Variants in TAFA4 observed in about 807,000 individuals in gnomAD.
TAFA4 encodes the protein TAFA chemokine like family member 4.
A neutral mutation model predicts 21.1 loss-of-function variants in TAFA4; 20 were observed. The ratio of observed to expected loss-of-function variants is 0.95; its 90% CI spans 0.67 to 1.38. TAFA4 has a LOEUF of 1.38. Ranked by LOEUF, TAFA4 falls within the 40% of genes most tolerant of loss-of-function variation. The pLI is 0.00. For synonymous variants in TAFA4, 71 were observed against 67.4 expected (o/e 1.05, Z -0.26); for missense variants, 211 against 180.9 (o/e 1.17, Z -0.95).
chr3:68,885,699 A>G (rs115005402), intron 1 of TAFA4, among the ~76,000 whole-genome samples: 2,950 of 152,310 alleles, frequency 0.019, 91 homozygotes, highest in African/African-American at 0.068. Context: ...GCCCAAGCCC[A>G]TGGAGCAGTG....
intron 3 of TAFA4, among the ~76,000 whole-genome samples, chr3:68,762,397 A>C (rs998436466): frequency 2.6e-5 from 4 of 152,176 alleles, no homozygotes; most frequent in African/African-American, 9.7e-5. Flanking sequence ...AAGATGTGGG[A>C]AATTACAACA....
At chr3:68,807,263 A>G (rs895398685) in intron 3 of TAFA4, among the ~76,000 whole-genome samples, 6 of 152,224 alleles carry the variant, frequency 3.9e-5, no homozygotes, top group African/African-American at 1.4e-4. Flanking sequence ...AACAAAGATT[A>G]TCAAAAGACA....
In TAFA4 at chr3:68,795,188, A is replaced by G. The variant is rs1446183808; in HGVS notation, c.131-42170T>C. ...TCAGCAGGAAAGACTCAAAGAGGTG[A>G]AGATCTTAGCTAGGTCTTAAAGAGA... On this transcript the variant is annotated intron_variant, in intron 3 of 5. Transcript: ENST00000295569. 3.3e-5 allele frequency among the ~76,000 whole-genome samples: 5 copies of G among 151,642 alleles called. No homozygotes were observed. The Admixed American group carries it at 3.3e-4, about 10-fold the overall frequency.
intron 3 of TAFA4, among the ~76,000 whole-genome samples, chr3:68,853,087 G>C (rs1704987937): frequency 6.6e-6 from 1 of 152,042 alleles, no homozygotes; most frequent in Non-Finnish European, 1.5e-5. Context: ...TCATTTGCAA[G>C]AACAGAGTAA....
At chr3:68,857,167 G>A (rs1705089260) in intron 3 of TAFA4, among the ~76,000 whole-genome samples, 1 of 152,090 alleles carries the variant, frequency 6.6e-6, no homozygotes, top group Non-Finnish European at 1.5e-5. Context: ...TTTCAAAACA[G>A]CATTTAACGA....
intron 3 of TAFA4, among the ~76,000 whole-genome samples, chr3:68,819,743 C>T (rs1189983877): frequency 6.6e-6 from 1 of 152,162 alleles, no homozygotes; most frequent in East Asian, 1.9e-4. Context: ...TAAGATATCC[C>T]TTCACACCAG....
intron 1 of TAFA4, among the ~76,000 whole-genome samples, chr3:68,900,566 A>T (rs1160689671): frequency 1.3e-5 from 2 of 151,966 alleles, no homozygotes; most frequent in African/African-American, 4.8e-5. Flanking sequence ...CTAAAATCCC[A>T]AATTTTAGTC....
At chr3:68,862,651 T>G (rs191567805) in intron 3 of TAFA4, among the ~76,000 whole-genome samples, 1 of 152,098 alleles carries the variant, frequency 6.6e-6, no homozygotes, top group Admixed American at 6.6e-5. Context: ...TTCTGAGCTA[T>G]CAACAGCATG....
chr3:68,887,904 T>C (rs1448961200), intron 1 of TAFA4, among the ~76,000 whole-genome samples: 1 of 152,180 alleles, frequency 6.6e-6, no homozygotes, highest in African/African-American at 2.4e-5. Flanking sequence ...TCAATCATTT[T>C]AGCAATCTCT....
At chr3:68,817,600 A>G (rs1575622366) in intron 3 of TAFA4, among the ~76,000 whole-genome samples, 2 of 152,350 alleles carry the variant, frequency 1.3e-5, no homozygotes. Flanking sequence ...TTCTTAAGTA[A>G]TAAGACTTGT....
chr3:68,824,896 C>T (rs1281571232), intron 3 of TAFA4, among the ~76,000 whole-genome samples: 1 of 152,118 alleles, frequency 6.6e-6, no homozygotes, highest in Non-Finnish European at 1.5e-5. Flanking sequence ...ATTTTCTTAC[C>T]CTTTAATTTC....
chr3:68,824,596 G>A (rs1428157882), intron 3 of TAFA4, among the ~76,000 whole-genome samples: 3 of 152,124 alleles, frequency 2.0e-5, no homozygotes, highest in African/African-American at 7.2e-5. Context: ...CACCATGTAA[G>A]GTAAACATGC....
At chr3:68,837,381 A>G (rs1230876017) in intron 3 of TAFA4, among the ~76,000 whole-genome samples, 2 of 152,168 alleles carry the variant, frequency 1.3e-5, no homozygotes, top group East Asian at 3.9e-4. Flanking sequence ...CACTGCCACA[A>G]AGTGTGCCCA....
At chr3:68,843,997 G>A (rs1217263951) in intron 3 of TAFA4, among the ~76,000 whole-genome samples, 1 of 152,148 alleles carries the variant, frequency 6.6e-6, no homozygotes, top group African/African-American at 2.4e-5. Context: ...TTGTGTCTCT[G>A]CCAGGTTTTG....
chr3:68,918,831 A>G (rs976999680), intron 1 of TAFA4, among the ~76,000 whole-genome samples: 19 of 152,220 alleles, frequency 1.2e-4, no homozygotes, highest in African/African-American at 4.6e-4. Context: ...GTGAGCCACC[A>G]TGCCCAGCCT....
At chr3:68,735,415 G>A (rs1417182662) in intron 5 of TAFA4, among the ~76,000 whole-genome samples, 2 of 152,104 alleles carry the variant, frequency 1.3e-5, no homozygotes, top group African/African-American at 4.8e-5. Context: ...AACAGGTAGA[G>A]AGCTCAGTTA....
chr3:68,741,399 C>T (rs1272104857), intron 4 of TAFA4, among the ~76,000 whole-genome samples: 1 of 152,058 alleles, frequency 6.6e-6, no homozygotes. Flanking sequence ...AGGATTGCTT[C>T]CTTAATTTCT....
At chr3:68,747,292 C>A (rs1399659738) in intron 4 of TAFA4, among the ~76,000 whole-genome samples, 1 of 152,090 alleles carries the variant, frequency 6.6e-6, no homozygotes, top group Admixed American at 6.5e-5. Flanking sequence ...TTTGGCTCTG[C>A]CCCTACCCAA....
At chr3:68,788,889 T>C (rs1316277757) in intron 3 of TAFA4, among the ~76,000 whole-genome samples, 1 of 152,178 alleles carries the variant, frequency 6.6e-6, no homozygotes, top group Non-Finnish European at 1.5e-5. Flanking sequence ...CTTCCAAGGC[T>C]CTGGGATTAT....
Sources: gnomAD v4.1 joint callset for allele counts (sites outside exome capture counted in the v4.1 genomes callset) on GRCh38, gnomAD v4.1.1 for gene constraint, MANE v1.5 for transcripts, NCBI Gene and HGNC (gene_info 2026-07-23, HGNC 2026-07-21) for gene names.